The following IGDCC3 variants were observed in gnomAD, a reference collection of about 807,000 sequenced individuals.
IGDCC3 encodes the protein immunoglobulin superfamily DCC subclass member 3, also known as putative neuronal cell adhesion molecule.
IGDCC3 carries 47 observed loss-of-function variants against 72.0 expected under a neutral mutation model. The observed-to-expected ratio is 0.65, with a 90% CI of 0.52 to 0.83. IGDCC3 has a LOEUF of 0.83. Among genes scored for constraint, IGDCC3 ranks in the 40% least tolerant of loss-of-function variants. IGDCC3 has a pLI of 0.00. For missense variants in IGDCC3, 1,038 were observed against 1,091.3 expected (o/e 0.95, Z 0.69); for synonymous variants, 477 against 472.8 (o/e 1.01, Z -0.11).
chr15:65,344,354 TG>T (rs2091108054), intron 2 of IGDCC3, among the ~76,000 whole-genome samples: 2 of 152,098 alleles, frequency 1.3e-5, no homozygotes, highest in African/African-American at 4.8e-5. Context: ...CCGCCTGCCT[TG>T]GGCCCCTGAA....
rs539531695 is a variant in IGDCC3, at chr15:65,377,658, C to T, written c.103+28G>A. 2.1e-6 allele frequency: 3 copies of T among 1,431,598 alleles called. No homozygotes were observed. Among genetic ancestry groups the T allele is most frequent in the Non-Finnish European group, 2.7e-6 (3 of 1,098,242 alleles). 88.7% of individuals were successfully genotyped at this position (1,431,598 alleles called of 1,614,324 possible). A position where few individuals can be genotyped will look rare whatever the true frequency, so the allele number is the denominator to read the frequency against. ...GCCCTTCCCCTGGCTCCGTCCGCAA[C>T]CGCCCGGTCCGGGGCGCTTTCACTC... On this transcript the variant is annotated intron_variant, in intron 1 of 13. Transcript: ENST00000327987. The surrounding 1 kb of genome is among the most constrained non-coding windows in gnomAD (Gnocchi z 4.9).
chr15:65,348,545 T>C (rs761617919), intron 2 of IGDCC3, among the ~76,000 whole-genome samples: 6 of 152,188 alleles, frequency 3.9e-5, no homozygotes, highest in Non-Finnish European at 8.8e-5. Context: ...CTGGAAGACT[T>C]TGGGTAAGTG....
Position 65,355,656 on chromosome 15 carries a change from T to TTCCCAC in IGDCC3, c.409+19440_409+19441insGTGGGA. On this transcript the variant is annotated intron_variant, in intron 2 of 13. Coordinates refer to ENST00000327987, the MANE Select transcript of IGDCC3 (RefSeq NM_004884.4). ...CGGCTAATCCCCGCCGACGCGGGCGTCCCGCCCCCCCGCCCCTCCCGCATA... is the reference window on the plus strand; with the variant it reads ...CGGCTAATCCCCGCCGACGCGGGCGTTCCCACCCCGCCCCCCCGCCCCTCCCGCATA... 9.4e-6 allele frequency: 2 copies of TTCCCAC among 211,730 alleles called. 1 individual carries two copies. The highest frequency in any genetic ancestry group is 1.9e-5 in the Non-Finnish European group (2 of 102,828). The allele number at this position is 211,730 out of a possible 1,614,324, so 13.1% of individuals were successfully genotyped here. A position where few individuals can be genotyped will look rare whatever the true frequency, so the allele number is the denominator to read the frequency against.
Position 65,329,784 on chromosome 15 carries a change from T to C in IGDCC3, c.1939A>G (p.Ile647Val), listed in dbSNP as rs1466951447. The C allele has an allele frequency of 2.5e-6, 4 of 1,614,162 alleles. No homozygotes were observed. The highest frequency in any genetic ancestry group is 2.2e-5 in the East Asian group (1 of 44,882). Reference protein sequence around the residue: ...STTGIVIGIHIGVTCIIFCVL... With the variant: ...STTGIVIGIHVGVTCIIFCVL... ...CAGAAGATGATGCAAGTGACCCCGA[T>C]GTGGATGCCGATGACGATGCCTGTG... The change falls in exon 12 of 14, where the codon ATC becomes GTC. Residue 647 changes from isoleucine to valine, a missense_variant. Coordinates refer to ENST00000327987, the MANE Select transcript of IGDCC3 (RefSeq NM_004884.4). The surrounding 1 kb of genome is among the most constrained non-coding windows in gnomAD (Gnocchi z 4.1).
At position 65,331,392 on chromosome 15, in the gene IGDCC3, A is replaced by C; in HGVS notation, c.1396+20T>G. The C allele has an allele frequency of 6.3e-7, 1 of 1,588,968 alleles. No homozygotes were observed. The highest frequency in any genetic ancestry group is 8.6e-7 in the Non-Finnish European group (1 of 1,165,308). On this transcript the variant is annotated intron_variant, in intron 8 of 13. Coordinates refer to ENST00000327987, the MANE Select transcript of IGDCC3 (RefSeq NM_004884.4). Reference sequence around the variant, plus strand: ...AAATAGTGAATTAGAGGAAGGGGCAACAGAGCTGGCCACGCGCACCAGCAG... The same window carrying C: ...AAATAGTGAATTAGAGGAAGGGGCACCAGAGCTGGCCACGCGCACCAGCAG...
chr15:65,333,630 C>T (rs901439434), intron 5 of IGDCC3, among the ~76,000 whole-genome samples: 3 of 152,186 alleles, frequency 2.0e-5, no homozygotes, highest in African/African-American at 7.2e-5. Context: ...CCTGTCCTGA[C>T]CCTAGCATCA....
rs375059724 is a variant in IGDCC3 at position 65,373,289 on chromosome 15, A to T, written c.409+1808T>A. On this transcript the variant is annotated intron_variant, in intron 2 of 13. Transcript: ENST00000327987. ...ATCTGCAAATCTTACCGGGGTCCCC[A>T]CCCTCTGTCCACGCTTCCCTTCCTC... is the stretch of plus-strand genomic sequence containing the variant. Among the ~76,000 whole-genome samples, 244 of 152,092 alleles carry T rather than the reference A, an allele frequency of 1.6e-3. 2 individuals are homozygous for T. Among genetic ancestry groups the T allele is most frequent in the African/African-American group, 5.8e-3 (239 of 41,484 alleles).
chr15:65,375,033 C>A, intron 2 of IGDCC3, 64 bp downstream of exon 2: 1 of 1,472,154 alleles, frequency 6.8e-7, no homozygotes, highest in Non-Finnish European at 9.4e-7. Context: ...TGCCCTCATG[C>A]CCTAGGCTGA....
Position 65,334,747 on chromosome 15 carries a change from A to G in IGDCC3, c.804T>C (p.Ile268=). 1 of 1,585,654 alleles carries G rather than the reference A, an allele frequency of 6.3e-7. No homozygotes were observed. Among genetic ancestry groups the G allele is most frequent in the South Asian group, 1.1e-5 (1 of 87,124 alleles). The change falls in exon 5 of 14, where the codon ATT becomes ATC. Residue 268 remains isoleucine (I), a synonymous_variant. Transcript: ENST00000327987. ...ECVATGNPRP[I]VSWSRLDGRP... is the part of the protein sequence containing the mutation. ...GCTCACCCAGGCGGCTCCAGGACAC[A>G]ATGGGGCGCGGGTTGCCCGTGGCGA...
intron 2 of IGDCC3, among the ~76,000 whole-genome samples, chr15:65,348,628 G>A (rs2091146852): frequency 6.6e-6 from 1 of 152,198 alleles, no homozygotes; most frequent in African/African-American, 2.4e-5. Context: ...CTCCAAGACA[G>A]AGTGGGTTAA....
intron 2 of IGDCC3, among the ~76,000 whole-genome samples, chr15:65,362,568 TG>T (rs1014628404): frequency 1.0e-4 from 4 of 40,170 alleles, no homozygotes; most frequent in African/African-American, 1.6e-4. Flanking sequence ...TGAGGGTGGG[TG>T]GGGGGGTGCA....
At chr15:65,371,138 T>A (rs946940839) in intron 2 of IGDCC3, among the ~76,000 whole-genome samples, 1 of 152,202 alleles carries the variant, frequency 6.6e-6, no homozygotes, top group African/African-American at 2.4e-5. Context: ...CCAGCCAGGA[T>A]TGAGACACCT....
chr15:65,338,819 A>G (rs1489278970), intron 2 of IGDCC3, among the ~76,000 whole-genome samples: 15 of 152,182 alleles, frequency 9.9e-5, no homozygotes, highest in Admixed American at 9.8e-4. Context: ...AACAGGATCC[A>G]CAATCTCTGG....
At chr15:65,355,820 A>G in intron 2 of IGDCC3, 1 of 452,016 alleles carries the variant, frequency 2.2e-6, no homozygotes, top group Non-Finnish European at 4.4e-6. Flanking sequence ...CGAGGGTTTG[A>G]TGTCGCTGGG....
Position 65,329,194 on chromosome 15 carries a change from C to A in IGDCC3, c.2206-46G>T. On this transcript the variant is annotated intron_variant, in intron 13 of 13. Coordinates refer to ENST00000327987, the MANE Select transcript of IGDCC3 (RefSeq NM_004884.4). This position sits in a 1 kb window ranked among gnomAD's most constrained non-coding sequence, Gnocchi z 4.1. ...ACAGGCGTCAGCTTGAGGGCCAGGG[C>A]GCCAGGCTCCAACTCACCCCACTTG... 1 of 1,564,712 alleles carries A rather than the reference C, an allele frequency of 6.4e-7. No homozygotes were observed. Among genetic ancestry groups the A allele is most frequent in the Non-Finnish European group, 8.6e-7 (1 of 1,158,590 alleles).
At chr15:65,346,680 A>C (rs2091127601) in intron 2 of IGDCC3, among the ~76,000 whole-genome samples, 1 of 151,946 alleles carries the variant, frequency 6.6e-6, no homozygotes, top group African/African-American at 2.4e-5. Context: ...GCTGGTCTTG[A>C]ACTCCTGACC....
chr15:65,337,142 G>A (rs987877875), intron 2 of IGDCC3, among the ~76,000 whole-genome samples: 1 of 152,198 alleles, frequency 6.6e-6, no homozygotes, highest in Non-Finnish European at 1.5e-5. Flanking sequence ...AGCCTGATCT[G>A]GCCTCCAGGG....
At position 65,377,985 on chromosome 15, in the gene IGDCC3, C is replaced by T; in HGVS notation, c.-197G>A. The T allele has an allele frequency of 3.2e-6, 1 of 313,716 alleles. No individual in the cohort carries two copies. Among genetic ancestry groups the T allele is most frequent in the Non-Finnish European group, 4.7e-6 (1 of 212,638 alleles). The allele number at this position is 313,716 out of a possible 1,614,324, so 19.4% of individuals were successfully genotyped here. ...GAGCGCCGCTTGCGCCATCTTGCAC[C>T]CACCCGGGCGATCTGTCAGCCTCGC... On this transcript the variant is annotated 5_prime_UTR_variant, in exon 1 of 14. Transcript: ENST00000327987. This position sits in a 1 kb window ranked among gnomAD's most constrained non-coding sequence, Gnocchi z 4.9.
At chr15:65,373,496 G>A (rs1400645763) in intron 2 of IGDCC3, 3 of 152,382 alleles carry the variant, frequency 2.0e-5, no homozygotes, top group Non-Finnish European at 4.4e-5. Flanking sequence ...TAAACCCAGC[G>A]AGAGGGCTCC....
Sources: gnomAD v4.1 joint callset for allele counts (sites outside exome capture counted in the v4.1 genomes callset) on GRCh38, gnomAD v4.1.1 for gene constraint, Gnocchi (gnomAD v3.1) non-coding constraint, MANE v1.5 for transcripts, NCBI Gene and HGNC (gene_info 2026-07-23, HGNC 2026-07-21) for gene names.